Variants in DACH2 observed in about 807,000 individuals in gnomAD.
DACH2 encodes dachshund family transcription factor 2.
DACH2 carries 17 observed loss-of-function variants against 35.8 expected under a neutral mutation model. The ratio of observed to expected loss-of-function variants is 0.48; its 90% CI spans 0.33 to 0.71. The LOEUF (loss-of-function observed/expected upper bound fraction) is 0.71. Among genes scored for constraint, DACH2 ranks in the 30% least tolerant of loss-of-function variants. DACH2 has a pLI of 0.02. For synonymous variants in DACH2, 195 were observed against 177.3 expected, an observed-to-expected ratio of 1.10 and a Z score of -0.79; for missense variants, 469 against 472.7, an observed-to-expected ratio of 0.99 and a Z score of 0.07.
In DACH2 at chrX:86,695,069, C is replaced by T; in HGVS notation, c.821C>T (p.Ala274Val). 2 of 1,145,582 alleles carry T rather than the reference C, an allele frequency of 1.7e-6. No individual in the cohort carries two copies. Among genetic ancestry groups the T allele is most frequent in the Non-Finnish European group, 2.3e-6 (2 of 860,797 alleles). 94.4% of individuals were successfully genotyped at this position (1,145,582 alleles called of 1,213,427 possible). The change falls in exon 5 of 12, where the codon GCT (alanine) becomes GTT (valine). Residue 274 changes from alanine (A) to valine (V), a missense_variant. Physicochemically the swap from Ala to Val is moderately conservative, Grantham distance 64. This residue lies in a region of DACH2 where 363 missense variants were observed against 334.4 expected (regional missense o/e 1.09). Coordinates refer to ENST00000373125, the MANE Select transcript of DACH2 (RefSeq NM_053281.3). The stretch of plus-strand genomic sequence containing the variant: ...AAAGATAAGATGCAGTCTCCATTTG[C>T]TGCACCTGGACCCCAACATGGAATT... ...WDKDKMQSPFAAPGPQHGIAH... is the reference protein window; with the variant it reads ...WDKDKMQSPFVAPGPQHGIAH...
intron 2 of DACH2, among the ~76,000 whole-genome samples, chrX:86,397,807 G>A (rs1410469836): frequency 9.0e-6 from 1 of 111,695 alleles, no homozygotes; most frequent in Non-Finnish European, 1.9e-5. Flanking sequence ...TTATATTGAG[G>A]ATTTTTGCAT....
At chrX:86,785,875 T>C (rs1050440740) in intron 7 of DACH2, among the ~76,000 whole-genome samples, 1 of 111,073 alleles carries the variant, frequency 9.0e-6, no homozygotes, top group African/African-American at 3.3e-5. Flanking sequence ...AGAATATTCT[T>C]CTCATAAGTT....
At chrX:86,726,385 G>A (rs948870966) in intron 6 of DACH2, among the ~76,000 whole-genome samples, 1 of 111,418 alleles carries the variant, frequency 9.0e-6, no homozygotes, top group Non-Finnish European at 1.9e-5. Context: ...ACCAGAGAGA[G>A]TGGTGCACCT....
At chrX:86,376,916 T>G in intron 2 of DACH2, 54 bp downstream of exon 2, 1 of 528,178 alleles carries the variant, frequency 1.9e-6, no homozygotes, top group Non-Finnish European at 3.2e-6. Flanking sequence ...TCCTGGAGCC[T>G]GTACAGATTC....
chrX:86,614,634 A>G (rs771539141), intron 3 of DACH2, among the ~76,000 whole-genome samples: 2 of 111,312 alleles, frequency 1.8e-5, no homozygotes, highest in African/African-American at 6.5e-5. Context: ...AATTTTATCT[A>G]ATTTGACAAT....
chrX:86,261,334 A>T (rs1172680837), intron 1 of DACH2, among the ~76,000 whole-genome samples: 1 of 112,174 alleles, frequency 8.9e-6, no homozygotes, highest in Non-Finnish European at 1.9e-5. Flanking sequence ...TAATGATATA[A>T]TGCAGGGAGA....
At chrX:86,781,370 G>T (rs779232924) in intron 7 of DACH2, among the ~76,000 whole-genome samples, 7 of 111,165 alleles carry the variant, frequency 6.3e-5, no homozygotes, top group Non-Finnish European at 1.1e-4. Context: ...TATGTTCCTT[G>T]GTTCTCCATA....
At chrX:86,824,100 G>C (rs2042539806) in intron 11 of DACH2, among the ~76,000 whole-genome samples, 1 of 110,834 alleles carries the variant, frequency 9.0e-6, no homozygotes, top group Admixed American at 9.6e-5. Context: ...ACCAGGGCAG[G>C]GTTTTTCCCC....
chrX:86,496,526 G>C (rs1326623562), intron 2 of DACH2, among the ~76,000 whole-genome samples: 1 of 110,383 alleles, frequency 9.1e-6, no homozygotes, highest in East Asian at 2.9e-4. Flanking sequence ...TTCTACCCAT[G>C]TAATTGCATA....
chrX:86,439,144 A>G (rs2037117746), intron 2 of DACH2, among the ~76,000 whole-genome samples: 1 of 112,194 alleles, frequency 8.9e-6, no homozygotes, highest in Non-Finnish European at 1.9e-5. Context: ...CCTGATGATT[A>G]ATGATGTTGG....
At chrX:86,641,251 G>GA (rs1208785117) in intron 3 of DACH2, among the ~76,000 whole-genome samples, 2 of 112,070 alleles carry the variant, frequency 1.8e-5, no homozygotes, top group Admixed American at 9.5e-5. Flanking sequence ...TCAGTGTAAA[G>GA]AAGAACCTAA....
chrX:86,179,464 G>A (rs2031406324), intron 1 of DACH2, among the ~76,000 whole-genome samples: 1 of 111,729 alleles, frequency 9.0e-6, no homozygotes, highest in South Asian at 3.7e-4. Context: ...GCAGAAAATG[G>A]GAGCTAACAA....
intron 1 of DACH2, among the ~76,000 whole-genome samples, chrX:86,150,009 G>T (rs1478501158): frequency 8.9e-6 from 1 of 111,966 alleles, no homozygotes; most frequent in Non-Finnish European, 1.9e-5. Flanking sequence ...AGCTTCCCTG[G>T]TTGTAAGTGT....
chrX:86,378,824 A>T (rs2036004915), intron 2 of DACH2, among the ~76,000 whole-genome samples: 1 of 111,459 alleles, frequency 9.0e-6, no homozygotes, highest in African/African-American at 3.2e-5. Flanking sequence ...ATAAATAACC[A>T]GTGGGAGTGC....
chrX:86,336,867 T>C (rs1429179338), intron 1 of DACH2, among the ~76,000 whole-genome samples: 1 of 109,132 alleles, frequency 9.2e-6, no homozygotes, highest in Non-Finnish European at 1.9e-5. Context: ...ATAACCCATT[T>C]AGAGAAGAAC....
At chrX:86,384,402 G>A (rs1392569187) in intron 2 of DACH2, among the ~76,000 whole-genome samples, 2 of 111,715 alleles carry the variant, frequency 1.8e-5, no homozygotes, top group African/African-American at 3.2e-5. Context: ...TAAATTGGTA[G>A]GGTTTGTAAT....
chrX:86,606,396 A>C (rs984760602), intron 3 of DACH2, among the ~76,000 whole-genome samples: 4 of 103,110 alleles, frequency 3.9e-5, no homozygotes, highest in Non-Finnish European at 8.0e-5. Flanking sequence ...TTCCATTATC[A>C]TTTGTTTCAA....
intron 1 of DACH2, among the ~76,000 whole-genome samples, chrX:86,285,587 T>C (rs1400775561): frequency 1.8e-5 from 2 of 112,108 alleles, no homozygotes; most frequent in Non-Finnish European, 3.8e-5. Context: ...TAAGATATGG[T>C]CTTTTTTTTA....
At chrX:86,216,706 C>G (rs2032580289) in intron 1 of DACH2, among the ~76,000 whole-genome samples, 1 of 111,159 alleles carries the variant, frequency 9.0e-6, no homozygotes, top group African/African-American at 3.3e-5. Context: ...ATAAATTCTG[C>G]CCCAGAGACT....
Sources: gnomAD v4.1 joint callset for allele counts (sites outside exome capture counted in the v4.1 genomes callset) on GRCh38, gnomAD v4.1.1 for gene constraint, gnomAD v4.1.1 regional missense constraint, MANE v1.5 for transcripts, NCBI Gene and HGNC (gene_info 2026-07-23, HGNC 2026-07-21) for gene names.